The following CADM2 variants were observed in gnomAD, a reference collection of about 807,000 sequenced individuals.
CADM2 encodes the protein immunoglobulin superfamily member 4D.
Under a neutral mutation model 49.8 loss-of-function variants are expected in CADM2, and 12 were observed. The ratio of observed to expected loss-of-function variants is 0.24; its 90% CI spans 0.15 to 0.39. The LOEUF is 0.39. Ranked by LOEUF, CADM2 falls within the 10% of genes least tolerant of loss-of-function variation. CADM2 has a pLI of 1.00. For synonymous variants in CADM2, 214 were observed against 175.4 expected (o/e 1.22, Z -1.74); for missense variants, 378 against 492.3 (o/e 0.77, Z 2.20).
chr3:85,726,069 A>G (rs941711452), intron 1 of CADM2, among the ~76,000 whole-genome samples: 2 of 152,066 alleles, frequency 1.3e-5, no homozygotes, highest in Admixed American at 6.6e-5. Flanking sequence ...TGGTAGATGT[A>G]TGGAAAGTCA....
chr3:85,809,320 G>T (rs1371508014), intron 3 of CADM2, among the ~76,000 whole-genome samples: 2 of 152,122 alleles, frequency 1.3e-5, no homozygotes, highest in Non-Finnish European at 2.9e-5. Flanking sequence ...GCCAGGTGAG[G>T]TGGCTCACAC....
chr3:85,644,640 T>C (rs1330406325), intron 1 of CADM2, among the ~76,000 whole-genome samples: 4 of 152,176 alleles, frequency 2.6e-5, no homozygotes, highest in African/African-American at 9.7e-5. Context: ...ATCACCCTTC[T>C]AGATTTCACT....
At chr3:85,991,836 TG>T (rs1478839034) in intron 8 of CADM2, among the ~76,000 whole-genome samples, 5 of 152,110 alleles carry the variant, frequency 3.3e-5, no homozygotes, top group African/African-American at 1.2e-4. Context: ...CATTATCATT[TG>T]CTATCATTGA....
At chr3:85,941,432 A>C (rs1020288869) in intron 7 of CADM2, among the ~76,000 whole-genome samples, 2 of 152,188 alleles carry the variant, frequency 1.3e-5, no homozygotes, top group Admixed American at 6.6e-5. Flanking sequence ...AGGAATCCAG[A>C]CCGAAGTCAT....
intron 1 of CADM2, among the ~76,000 whole-genome samples, chr3:85,359,187 TG>T (rs1168088571): frequency 3.3e-5 from 5 of 152,122 alleles, no homozygotes; most frequent in Non-Finnish European, 5.9e-5. Flanking sequence ...CATATTTCCC[TG>T]GGACTAGAAG....
At chr3:85,468,177 AAAAAC>A (rs2038601222) in intron 1 of CADM2, among the ~76,000 whole-genome samples, 3 of 151,046 alleles carry the variant, frequency 2.0e-5, no homozygotes, top group African/African-American at 2.4e-5. Flanking sequence ...AAAAAAAAAA[AAAAAC>A]ATTGAGGCAG....
At chr3:86,039,287 G>T (rs1258277207) in intron 8 of CADM2, among the ~76,000 whole-genome samples, 1 of 152,092 alleles carries the variant, frequency 6.6e-6, no homozygotes, top group Non-Finnish European at 1.5e-5. Flanking sequence ...CACCTGGGAA[G>T]TGAAAGGGGT....
At chr3:85,370,407 G>A (rs1167049563) in intron 1 of CADM2, among the ~76,000 whole-genome samples, 2 of 150,612 alleles carry the variant, frequency 1.3e-5, no homozygotes, top group East Asian at 1.9e-4. Context: ...GGGTGACAGA[G>A]TGAGACTCTG....
intron 1 of CADM2, among the ~76,000 whole-genome samples, chr3:85,105,960 G>A (rs867830827): frequency 3.3e-5 from 5 of 151,858 alleles, no homozygotes; most frequent in Admixed American, 2.0e-4. Context: ...GGGGGGACGG[G>A]GGAAGGATAG....
At chr3:85,128,042 G>A (rs532932041) in intron 1 of CADM2, among the ~76,000 whole-genome samples, 8 of 152,234 alleles carry the variant, frequency 5.3e-5, no homozygotes, top group South Asian at 2.1e-4. Flanking sequence ...TAATGATTAC[G>A]GTGGTATAGT....
intron 1 of CADM2, among the ~76,000 whole-genome samples, chr3:85,514,080 C>A (rs1292201381): frequency 1.3e-5 from 2 of 152,028 alleles, no homozygotes; most frequent in South Asian, 2.1e-4. Flanking sequence ...TGACATAATT[C>A]TTTCATGTGC....
Position 85,451,711 on chromosome 3 carries a change from C to T in CADM2, c.62-274811C>T, listed in dbSNP as rs907438353. ...TCCATTTGGTGTTTGCTATTCTGTG[C>T]ATAAGGCAGATGCCTTTAAAATGAC... On this transcript the variant is annotated intron_variant, in intron 1 of 9. Transcript: ENST00000383699. Among the ~76,000 whole-genome samples the T allele has an allele frequency of 1.6e-4, 25 of 152,222 alleles. No individual in the cohort carries two copies. The South Asian group carries it at 5.2e-3, about 32-fold the overall frequency.
intron 1 of CADM2, among the ~76,000 whole-genome samples, chr3:85,347,594 T>TAG (rs1258103195): frequency 2.8e-5 from 4 of 140,438 alleles, no homozygotes; most frequent in African/African-American, 1.1e-4. Context: ...TATACATATA[T>TAG]ATACATATAT....
intron 1 of CADM2, among the ~76,000 whole-genome samples, chr3:85,212,897 T>TCTCTCTCTCTCTCTCTCTCTCTCTCTCTC (rs2041834022): frequency 1.4e-5 from 2 of 145,060 alleles, no homozygotes; most frequent in Admixed American, 7.1e-5. Flanking sequence ...TCTTTCTTTC[T>TCTCTCTCTCTCTCTCTCTCTCTCTCTCTC]TTTAATGGAG....
At chr3:85,157,498 A>T (rs1335293929) in intron 1 of CADM2, among the ~76,000 whole-genome samples, 1 of 152,188 alleles carries the variant, frequency 6.6e-6, no homozygotes, top group South Asian at 2.1e-4. Flanking sequence ...AGAGATATAG[A>T]TCAATGAAAC....
chr3:85,562,702 C>T (rs1034899058), intron 1 of CADM2, among the ~76,000 whole-genome samples: 1 of 151,948 alleles, frequency 6.6e-6, no homozygotes, highest in African/African-American at 2.4e-5. Flanking sequence ...ATGGGGGGAG[C>T]TAAAGGGGAA....
At chr3:85,678,595 A>G (rs1399892426) in intron 1 of CADM2, among the ~76,000 whole-genome samples, 1 of 152,156 alleles carries the variant, frequency 6.6e-6, no homozygotes, top group Middle Eastern at 3.2e-3. Flanking sequence ...CCAATAGTTC[A>G]TTTCTGTTAT....
At chr3:85,370,215 A>AAATAATAATAATAAT (rs142588684) in intron 1 of CADM2, among the ~76,000 whole-genome samples, 7 of 135,174 alleles carry the variant, frequency 5.2e-5, no homozygotes, top group East Asian at 4.4e-4. Flanking sequence ...CTCCTTTTCA[A>AAATAATAATAATAAT]AATAATAATA....
intron 1 of CADM2, among the ~76,000 whole-genome samples, chr3:85,626,960 T>C (rs2064147923): frequency 6.6e-6 from 1 of 152,078 alleles, no homozygotes; most frequent in Non-Finnish European, 1.5e-5. Context: ...TTGCAGAGAC[T>C]ACAAAATCAA....
Sources: allele counts gnomAD v4.1 joint callset (sites outside exome capture counted in the v4.1 genomes callset), GRCh38; gene constraint gnomAD v4.1.1; transcripts MANE v1.5; gene names NCBI Gene and HGNC (gene_info 2026-07-23, HGNC 2026-07-21).